The following DNAJC2 variants were observed in gnomAD, a reference collection of about 807,000 sequenced individuals.
The protein encoded by DNAJC2 is dnaJ homolog subfamily C member 2.
Under a neutral mutation model 94.0 loss-of-function variants are expected in DNAJC2, and 32 were observed. The ratio of observed to expected loss-of-function variants is 0.34; its 90% CI spans 0.26 to 0.46. The LOEUF (loss-of-function observed/expected upper bound fraction) is 0.46, where lower values mean the gene tolerates loss of function less well. Ranked by LOEUF, DNAJC2 falls within the 20% of genes least tolerant of loss-of-function variation. The pLI, the probability that DNAJC2 is intolerant of heterozygous loss-of-function variation, is 1.00. For synonymous variants in DNAJC2, 210 were observed against 229.7 expected (o/e 0.91, Z 0.77); for missense variants, 550 against 719.5 (o/e 0.76, Z 2.69).
rs1288498706 is a variant in DNAJC2 at position 103,341,817 on chromosome 7, A to G, written c.202T>C (p.Leu68=). ...AGCATGGGAAACTCTTCCAACTGCA[A>G]TTCTTCATCTTCTGATTCCTCGGAT... ...ELSEESEDEE[L]QLEEFPMLKT... Residue 68 remains leucine, a synonymous_variant, in exon 2 of 17, where the codon TTG becomes CTG. Transcript: ENST00000379263. 1.2e-6 allele frequency: 2 copies of G among 1,609,522 alleles called. No homozygotes were observed. The highest frequency in any genetic ancestry group is 2.2e-5 in the East Asian group (1 of 44,774).
rs1818493106 is a variant in DNAJC2, at chr7:103,322,810, T to C, written c.720-16A>G. The C allele has an allele frequency of 6.3e-7, 1 of 1,586,498 alleles. No individual in the cohort carries two copies. The highest frequency in any genetic ancestry group is 8.6e-7 in the Non-Finnish European group (1 of 1,167,716). Reference sequence around the variant, plus strand: ...CTCATCACGACTATAAAATAGAAAATATTGGAAACAAACTACTGCTTATAG... The same window carrying C: ...CTCATCACGACTATAAAATAGAAAACATTGGAAACAAACTACTGCTTATAG... On this transcript the variant is annotated splice_polypyrimidine_tract_variant and intron_variant, in intron 7 of 16. Coordinates refer to ENST00000379263, the MANE Select transcript of DNAJC2 (RefSeq NM_014377.3).
intron 15 of DNAJC2, 126 bp from the exon 16 acceptor site, chr7:103,313,227 T>G: frequency 6.9e-7 from 1 of 1,449,222 alleles, no homozygotes; most frequent in South Asian, 1.5e-5. Flanking sequence ...AATAAACTTG[T>G]AGAGATGAGA....
intron 15 of DNAJC2, among the ~76,000 whole-genome samples, chr7:103,315,250 AGAG>A (rs66502304): frequency 0.028 from 4,182 of 151,806 alleles, 207 homozygotes; most frequent in African/African-American, 0.095. Flanking sequence ...AAATAATTTT[AGAG>A]GAGTAGAAAG....
chr7:103,344,206 G>T, intron 1 of DNAJC2: 1 of 305,104 alleles, frequency 3.3e-6, no homozygotes, highest in East Asian at 6.2e-5. Flanking sequence ...CCAGGCACGT[G>T]GGGTGCTCGC....
chr7:103,315,477 A>G (rs1174913938), intron 15 of DNAJC2, among the ~76,000 whole-genome samples: 2 of 152,134 alleles, frequency 1.3e-5, no homozygotes, highest in Non-Finnish European at 2.9e-5. Flanking sequence ...TCCCGATATA[A>G]CACTATTCTT....
chr7:103,337,953 T>C, intron 2 of DNAJC2, 142 bp from the exon 3 acceptor site: 1 of 629,826 alleles, frequency 1.6e-6, no homozygotes. Flanking sequence ...AACCAGGGTC[T>C]ATGGTCAGGT....
intron 10 of DNAJC2, among the ~76,000 whole-genome samples, 153 bp downstream of exon 10, chr7:103,321,779 C>T (rs963138846): frequency 1.1e-4 from 16 of 152,140 alleles, no homozygotes; most frequent in African/African-American, 3.1e-4. Flanking sequence ...AACCCGGAGG[C>T]GGAAATTGCG....
chr7:103,324,607 G>A, intron 5 of DNAJC2, 45 bp from the exon 6 acceptor site: 2 of 1,354,386 alleles, frequency 1.5e-6, no homozygotes, highest in Non-Finnish European at 9.9e-7. Flanking sequence ...CAAAAATTAT[G>A]TACAACAGTT....
In DNAJC2 at chr7:103,341,814, G is replaced by T. The variant is rs748099271; in HGVS notation, c.205C>A (p.Gln69Lys). ...LSEESEDEELQLEEFPMLKTL... is the reference protein window; with the variant it reads ...LSEESEDEELKLEEFPMLKTL... ...TTCAGCATGGGAAACTCTTCCAACT[G>T]CAATTCTTCATCTTCTGATTCCTCG... The change falls in exon 2 of 17, where the codon CAG becomes AAG. Residue 69 changes from glutamine to lysine, a missense_variant. By Grantham distance (53) the Gln-to-Lys change is moderately conservative. Coordinates refer to ENST00000379263, the MANE Select transcript of DNAJC2 (RefSeq NM_014377.3). 33 of 1,608,380 alleles carry T rather than the reference G, an allele frequency of 2.1e-5. No individual in the cohort carries two copies. Among genetic ancestry groups the T allele is most frequent in the Non-Finnish European group, 2.8e-5 (33 of 1,178,144 alleles).
chr7:103,341,989 A>G (rs778526133), intron 1 of DNAJC2, 35 bp from the exon 2 acceptor site: 1 of 1,447,258 alleles, frequency 6.9e-7, no homozygotes, highest in East Asian at 2.4e-5. Flanking sequence ...GCTTCAGTGT[A>G]TCGCATGGAA....
Position 103,341,939 on chromosome 7 carries a change from T to C in DNAJC2, c.80A>G (p.Gln27Arg), listed in dbSNP as rs61741449. 7.0e-4 allele frequency: 1,117 copies of C among 1,603,414 alleles called. 6 individuals are homozygous for C. In the African/African-American group the frequency reaches 0.014, roughly 20 times the overall value. Reference sequence around the variant, plus strand: ...AAACCATCTTCCCACAGGTTCAACTTGACAGAGTGTAGAGGCTGTGATTGA... The same window carrying C: ...AAACCATCTTCCCACAGGTTCAACTCGACAGAGTGTAGAGGCTGTGATTGA... ...HALTSASTLCQVEPVGRWFEA... is the reference protein window; with the variant it reads ...HALTSASTLCRVEPVGRWFEA... Residue 27 changes from glutamine (Q) to arginine (R), a missense_variant, in exon 2 of 17, where the codon CAA becomes CGA. Gln to Arg is a conservative substitution (Grantham distance 43, BLOSUM62 1). This residue lies in a region of DNAJC2 where 279 missense variants were observed against 416.9 expected (regional missense o/e 0.67). Transcript: ENST00000379263.
At position 103,341,819 on chromosome 7, in the gene DNAJC2, T is replaced by C; in HGVS notation, c.200A>G (p.Glu67Gly). 2 of 1,609,898 alleles carry C rather than the reference T, an allele frequency of 1.2e-6. No homozygotes were observed. The highest frequency in any genetic ancestry group is 4.5e-5 in the East Asian group (2 of 44,786). ...CATGGGAAACTCTTCCAACTGCAAT[T>C]CTTCATCTTCTGATTCCTCGGATAA... ...KELSEESEDE[E>G]LQLEEFPMLK... Residue 67 changes from glutamate (E) to glycine (G), a missense_variant, in exon 2 of 17, where the codon GAA becomes GGA. Around this residue, in one of 2 missense-constraint regions of DNAJC2, gnomAD observed 279 missense variants for 416.9 expected, o/e 0.67. Transcript: ENST00000379263.
chr7:103,318,272 CCT>C, intron 12 of DNAJC2, among the ~76,000 whole-genome samples: 1 of 152,122 alleles, frequency 6.6e-6, no homozygotes, highest in East Asian at 1.9e-4. Flanking sequence ...CTCAGGTAAT[CCT>C]CTAACCTCAG....
intron 2 of DNAJC2, among the ~76,000 whole-genome samples, chr7:103,339,577 G>A (rs1819300580): frequency 6.6e-6 from 1 of 151,392 alleles, no homozygotes; most frequent in Non-Finnish European, 1.5e-5. Context: ...TGAGGACACC[G>A]AAACTTTTAG....
intron 4 of DNAJC2, 160 bp downstream of exon 4, chr7:103,327,496 G>A (rs1818768364): frequency 1.5e-6 from 1 of 678,598 alleles, no homozygotes; most frequent in Non-Finnish European, 2.4e-6. Flanking sequence ...TGTGTCGTGA[G>A]GCTCTGGGGT....
intron 15 of DNAJC2, 45 bp from the exon 16 acceptor site, chr7:103,313,146 T>G: frequency 6.4e-7 from 1 of 1,570,138 alleles, no homozygotes; most frequent in Non-Finnish European, 8.6e-7. Flanking sequence ...TTGAACATGT[T>G]CTCAGACAAG....
At chr7:103,320,083 A>G (rs1417991911) in intron 10 of DNAJC2, among the ~76,000 whole-genome samples, 5 of 151,930 alleles carry the variant, frequency 3.3e-5, no homozygotes, top group African/African-American at 1.2e-4. Flanking sequence ...TCTCAGTGTA[A>G]ATGTTTTTAA....
At position 103,315,783 on chromosome 7, in the gene DNAJC2, C is replaced by T. The variant is rs781448899; in HGVS notation, c.1617G>A (p.Thr539=). The change falls in exon 15 of 17, where the codon ACG becomes ACA. Residue 539 remains threonine, a synonymous_variant. Coordinates refer to ENST00000379263, the MANE Select transcript of DNAJC2 (RefSeq NM_014377.3). ...HGVVPQADNA[T]PSERFEGPYT... ...ATTTACCTTCAAATCGTTCTGAAGG[C>T]GTTGCGTTGTCTGCTTGAGGTACCA... is the stretch of plus-strand genomic sequence containing the variant. 37 of 1,613,384 alleles carry T rather than the reference C, an allele frequency of 2.3e-5. No individual in the cohort carries two copies. In the African/African-American group the frequency reaches 2.4e-4, roughly 10 times the overall value.
At chr7:103,337,592 G>T in intron 3 of DNAJC2, 144 bp downstream of exon 3, 1 of 636,568 alleles carries the variant, frequency 1.6e-6, no homozygotes, top group Non-Finnish European at 2.7e-6. Context: ...GGAGACCGTG[G>T]TTTTTTGCTT....
Sources: gnomAD v4.1 joint callset for allele counts (sites outside exome capture counted in the v4.1 genomes callset) on GRCh38, gnomAD v4.1.1 for gene constraint, gnomAD v4.1.1 regional missense constraint, MANE v1.5 for transcripts, NCBI Gene and HGNC (gene_info 2026-07-23, HGNC 2026-07-21) for gene names.